The following BCL9L variants were observed in gnomAD, a reference collection of about 807,000 sequenced individuals.
BCL9L encodes the protein B-cell CLL/lymphoma 9-like protein.
BCL9L carries 19 observed loss-of-function variants against 99.4 expected under a neutral mutation model. The observed-to-expected ratio is 0.19, with a 90% CI of 0.13 to 0.28. The LOEUF (loss-of-function observed/expected upper bound fraction) is 0.28, where lower values mean the gene tolerates loss of function less well. BCL9L is among the 10% of genes least tolerant of loss of function. The pLI is 1.00. For missense variants in BCL9L, 2,023 were observed against 2,101.6 expected (o/e 0.96, Z 0.73); for synonymous variants, 900 against 854.8 (o/e 1.05, Z -0.92).
chr11:118,908,759 G>T, intron 3 of BCL9L, 104 bp from the exon 4 acceptor site: 1 of 903,200 alleles, frequency 1.1e-6, no homozygotes, highest in Non-Finnish European at 1.7e-6. Flanking sequence ...GGGGGAGGGT[G>T]GGGGGAAGGG....
In BCL9L at chr11:118,899,178, C is replaced by A; in HGVS notation, c.3737G>T (p.Gly1246Val). The A allele has an allele frequency of 1.3e-6, 2 of 1,484,766 alleles. No homozygotes were observed. Among genetic ancestry groups the A allele is most frequent in the African/African-American group, 2.8e-5 (2 of 71,476 alleles). 92.0% of individuals were successfully genotyped at this position (1,484,766 alleles called of 1,614,324 possible). The change falls in exon 10 of 10, where the codon GGC becomes GTC. Residue 1246 changes from glycine to valine, a missense_variant. Physicochemically the swap from Gly to Val is moderately radical, Grantham distance 109. Around this residue, in one of 3 missense-constraint regions of BCL9L, gnomAD observed 902 missense variants for 888.2 expected, o/e 1.02. Transcript: ENST00000683865. ...GTGCTGCTGCAGGCCAGGCCCCCCGCCCCCACCCCCAGTGGGGGCCATGGC... is the reference window on the plus strand; with the variant it reads ...GTGCTGCTGCAGGCCAGGCCCCCCGACCCCACCCCCAGTGGGGGCCATGGC... ...HGAMAPTGGGGGGPGLQQHYP... is the reference protein window; with the variant it reads ...HGAMAPTGGGVGGPGLQQHYP...
chr11:118,906,979 CAG>C (rs553182358), intron 5 of BCL9L, among the ~76,000 whole-genome samples: 104 of 152,340 alleles, frequency 6.8e-4, no homozygotes, highest in Admixed American at 1.4e-3. Context: ...ATAAAAGAAT[CAG>C]AGGAGGAGTG....
chr11:118,911,134 T>TA (rs1402816320), intron 2 of BCL9L: 2 of 430,366 alleles, frequency 4.6e-6, no homozygotes, highest in Non-Finnish European at 9.4e-6. Flanking sequence ...GCAACAGACT[T>TA]ACACAAACAC....
At position 118,898,946 on chromosome 11, in the gene BCL9L, C is replaced by T. The variant is rs747353800; in HGVS notation, c.3969G>A (p.Glu1323=). The T allele has an allele frequency of 1.9e-6, 3 of 1,612,270 alleles. No individual in the cohort carries two copies. Among genetic ancestry groups the T allele is most frequent in the African/African-American group, 1.3e-5 (1 of 74,908 alleles). Residue 1323 remains glutamate, a synonymous_variant, in exon 10 of 10, where the codon GAG becomes GAA. Coordinates refer to ENST00000683865, the MANE Select transcript of BCL9L (RefSeq NM_001378213.1). The part of the protein sequence containing the change: ...VIRPTPTGIP[E]FDLSRIIPSE... ...AGGGGATGATCCTCGACAAGTCGAA[C>T]TCGGGGATCCCCGTTGGGGTGGGCC...
Position 118,900,674 on chromosome 11 carries a change from G to T in BCL9L, c.3069C>A (p.Asn1023Lys), listed in dbSNP as rs1302203898. The T allele has an allele frequency of 6.2e-7, 1 of 1,613,594 alleles. No individual in the cohort carries two copies. Among genetic ancestry groups the T allele is most frequent in the Admixed American group, 1.7e-5 (1 of 60,012 alleles). The change falls in exon 8 of 10, where the codon AAC becomes AAA. Residue 1023 changes from asparagine to lysine, a missense_variant. Physicochemically the swap from Asn to Lys is moderately conservative, Grantham distance 94. Coordinates refer to ENST00000683865, the MANE Select transcript of BCL9L (RefSeq NM_001378213.1). This position sits in a 1 kb window ranked among gnomAD's most constrained non-coding sequence, Gnocchi z 5.3. ...TAMPSPGVSQ[N>K]KQPPLNMNSS... ...AGTTCATGTTGAGAGGCGGCTGCTT[G>T]TTCTGGGAGACCCCCGGGCTGGGCA...
At position 118,902,192 on chromosome 11, in the gene BCL9L, C is replaced by G; in HGVS notation, c.1551G>C (p.Gln517His). 1 of 1,614,148 alleles carries G rather than the reference C, an allele frequency of 6.2e-7. No homozygotes were observed. The highest frequency in any genetic ancestry group is 8.5e-7 in the Non-Finnish European group (1 of 1,180,012). The part of the protein sequence containing the change: ...RLGQDSLTPE[Q>H]VAWRKLQEEY... The stretch of plus-strand genomic sequence containing the variant: ...CCTCCTGCAGCTTGCGCCAGGCCAC[C>G]TGCTCAGGCGTGAGGCTGTCCTGGC... Residue 517 changes from glutamine (Q) to histidine (H), a missense_variant, in exon 8 of 10, where the codon CAG becomes CAC. Physicochemically the swap from Gln to His is conservative, Grantham distance 24 (BLOSUM62 0). Transcript: ENST00000683865. This position sits in a 1 kb window ranked among gnomAD's most constrained non-coding sequence, Gnocchi z 7.8.
At chr11:118,910,714 C>A (rs1038311733) in intron 2 of BCL9L, 2 of 155,182 alleles carry the variant, frequency 1.3e-5, no homozygotes, top group Middle Eastern at 5.4e-4. Context: ...AGGACTGCAG[C>A]GTGCTTCTCC....
chr11:118,912,436 G>A (rs1940830901), intron 2 of BCL9L, among the ~76,000 whole-genome samples: 1 of 152,152 alleles, frequency 6.6e-6, no homozygotes, highest in African/African-American at 2.4e-5. Flanking sequence ...GAATGAATCG[G>A]AGGAGCGGAA....
intron 4 of BCL9L, among the ~76,000 whole-genome samples, chr11:118,907,923 C>T (rs921699005): frequency 6.6e-6 from 1 of 152,242 alleles, no homozygotes; most frequent in Non-Finnish European, 1.5e-5. Flanking sequence ...TCCCAAAGGG[C>T]TCCCACCAGC....
In BCL9L at chr11:118,899,035, G is replaced by C; in HGVS notation, c.3880C>G (p.Pro1294Ala). Reference protein sequence around the residue: ...AMAGRMGDAYPPGVLPGVASV... With the variant: ...AMAGRMGDAYAPGVLPGVASV... ...GCCACCCCAGGGAGCACACCCGGTG[G>C]GTATGCGTCGCCCATGCGCCCAGCC... The change falls in exon 10 of 10, where the codon CCA becomes GCA. Residue 1294 changes from proline to alanine, a missense_variant. Physicochemically the swap from Pro to Ala is conservative, Grantham distance 27. Transcript: ENST00000683865. The C allele has an allele frequency of 6.2e-7, 1 of 1,613,472 alleles. No homozygotes were observed. Among genetic ancestry groups the C allele is most frequent in the Admixed American group, 1.7e-5 (1 of 59,990 alleles).
chr11:118,908,450 C>T lies in BCL9L; in HGVS notation c.232G>A (p.Gly78Arg). The T allele has an allele frequency of 1.2e-6, 2 of 1,614,108 alleles. No homozygotes were observed. Among genetic ancestry groups the T allele is most frequent in the Non-Finnish European group, 1.7e-6 (2 of 1,179,968 alleles). The change falls in exon 4 of 10, where the codon GGG (glycine) becomes AGG (arginine). Residue 78 changes from glycine to arginine, a missense_variant. By Grantham distance (125) the Gly-to-Arg change is moderately radical. Coordinates refer to ENST00000683865, the MANE Select transcript of BCL9L (RefSeq NM_001378213.1). ...CNVGSKGVGAGNHGAKANQIS... is the reference protein window; with the variant it reads ...CNVGSKGVGARNHGAKANQIS... ...TGGTTGGCCTTGGCCCCATGGTTCCCCGCCCCCACGCCCTTCGAGCCCACG... is the reference window on the plus strand; with the variant it reads ...TGGTTGGCCTTGGCCCCATGGTTCCTCGCCCCCACGCCCTTCGAGCCCACG...
At chr11:118,913,821 C>T (rs551603266) in intron 2 of BCL9L, among the ~76,000 whole-genome samples, 3 of 152,168 alleles carry the variant, frequency 2.0e-5, no homozygotes, top group Non-Finnish European at 4.4e-5. Context: ...CAGACCCTAC[C>T]TGGGGAGGGT....
rs1457166840 is a variant in BCL9L, at chr11:118,903,414, G to A, written c.571C>T (p.Leu191=). ...AGTTGGGTGGTTTGGCCGGGACCCA[G>A]CTGTGGGGCCGCCATGGCTGGGTCT... ...VADPAMAAPQ[L]GPGQTTQLPL... The change falls in exon 6 of 10, where the codon CTG becomes TTG. Residue 191 remains leucine, a synonymous_variant. Transcript: ENST00000683865. This position sits in a 1 kb window ranked among gnomAD's most constrained non-coding sequence, Gnocchi z 5.6. The A allele has an allele frequency of 1.2e-6, 2 of 1,612,918 alleles. No individual in the cohort carries two copies. Among genetic ancestry groups the A allele is most frequent in the Admixed American group, 3.3e-5 (2 of 59,954 alleles).
chr11:118,906,092 T>G (rs572189115), intron 5 of BCL9L, among the ~76,000 whole-genome samples: 4 of 150,776 alleles, frequency 2.7e-5, no homozygotes, highest in African/African-American at 7.3e-5. Context: ...TACTTGGGAG[T>G]CTGAGATGGG....
chr11:118,899,419 G>T lies in BCL9L; in HGVS notation c.3496C>A (p.Leu1166Met). Residue 1166 changes from leucine to methionine, a missense_variant, in exon 10 of 10, where the codon CTG (leucine) becomes ATG (methionine). By Grantham distance (15) the Leu-to-Met change is conservative. Coordinates refer to ENST00000683865, the MANE Select transcript of BCL9L (RefSeq NM_001378213.1). ...MGMNLPGQQP[L>M]SHEPPPAMLP... ...ATGGCGGGCGGGGGCTCATGGGACA[G>T]GGGCTGCTGGCCTGGCAGGTTCATG... The T allele has an allele frequency of 6.3e-7, 1 of 1,595,272 alleles. No homozygotes were observed. The highest frequency in any genetic ancestry group is 2.3e-5 in the East Asian group (1 of 44,186).
Position 118,902,853 on chromosome 11 carries a change from C to T in BCL9L, c.890G>A (p.Gly297Asp). ...EPLPLSTPSA[G>D]TPQSQPPPLP... Reference sequence around the variant, plus strand: ...TGGAGGTGGCTGGGACTGCGGGGTGCCTGCTGACGGCGTGCTCAGGGGTAG... The same window carrying T: ...TGGAGGTGGCTGGGACTGCGGGGTGTCTGCTGACGGCGTGCTCAGGGGTAG... Residue 297 changes from glycine (G) to aspartate (D), a missense_variant, in exon 8 of 10, where the codon GGC becomes GAC. Physicochemically the swap from Gly to Asp is moderately conservative, Grantham distance 94. Transcript: ENST00000683865. This position sits in a 1 kb window ranked among gnomAD's most constrained non-coding sequence, Gnocchi z 7.8. 5 of 1,551,558 alleles carry T rather than the reference C, an allele frequency of 3.2e-6. No homozygotes were observed. The highest frequency in any genetic ancestry group is 4.3e-6 in the Non-Finnish European group (5 of 1,155,146).
rs1437369824 is a variant in BCL9L, at chr11:118,900,245, C to G, written c.3125-47G>C. 6.6e-7 allele frequency: 1 copy of G among 1,519,612 alleles called. No individual in the cohort carries two copies. Among genetic ancestry groups the G allele is most frequent in the Admixed American group, 2.0e-5 (1 of 49,010 alleles). The allele number at this position is 1,519,612 out of a possible 1,614,324, so 94.1% of individuals were successfully genotyped here. A position where few individuals can be genotyped will look rare whatever the true frequency, so the allele number is the denominator to read the frequency against. ...GAGAGCAGGGGTGACTGGGGAGGGGCAGATGAGTTTGGCTGTGGATATGGG... is the reference window on the plus strand; with the variant it reads ...GAGAGCAGGGGTGACTGGGGAGGGGGAGATGAGTTTGGCTGTGGATATGGG... On this transcript the variant is annotated intron_variant, in intron 8 of 9. Transcript: ENST00000683865. This position sits in a 1 kb window ranked among gnomAD's most constrained non-coding sequence, Gnocchi z 5.3.
At chr11:118,915,131 C>CA (rs1368587437) in intron 2 of BCL9L, among the ~76,000 whole-genome samples, 69 of 144,436 alleles carry the variant, frequency 4.8e-4, no homozygotes, top group Middle Eastern at 3.5e-3. Context: ...GAGACTGTCT[C>CA]AAAAAAAAAA....
At chr11:118,924,511 A>G (rs759630928) in intron 1 of BCL9L, among the ~76,000 whole-genome samples, 8 of 152,070 alleles carry the variant, frequency 5.3e-5, no homozygotes, top group Non-Finnish European at 1.0e-4. Flanking sequence ...TCTCAGAAGG[A>G]GAGAGCAGCC....
Sources: gnomAD v4.1 joint callset for allele counts (sites outside exome capture counted in the v4.1 genomes callset) on GRCh38, gnomAD v4.1.1 for gene constraint, gnomAD v4.1.1 regional missense constraint, Gnocchi (gnomAD v3.1) non-coding constraint, MANE v1.5 for transcripts, NCBI Gene and HGNC (gene_info 2026-07-23, HGNC 2026-07-21) for gene names.